The following ZC3H6 variants were observed in gnomAD, a reference collection of about 807,000 sequenced individuals.
ZC3H6 encodes the protein zinc finger CCCH domain-containing protein 6.
In ZC3H6, 40 loss-of-function variants were observed where a neutral mutation model predicts 107.7. The ratio of observed to expected loss-of-function variants is 0.37; its 90% CI spans 0.29 to 0.48. The LOEUF is 0.48. ZC3H6 is among the 20% of genes least tolerant of loss of function. The pLI, the probability that ZC3H6 is intolerant of heterozygous loss-of-function variation, is 0.98. For missense variants in ZC3H6, 1,267 were observed against 1,410.4 expected (o/e 0.90, Z 1.63); for synonymous variants, 493 against 487.9 (o/e 1.01, Z -0.14).
chr2:112,305,963 T>C (rs1676470615), intron 3 of ZC3H6, among the ~76,000 whole-genome samples: 1 of 152,168 alleles, frequency 6.6e-6, no homozygotes, highest in African/African-American at 2.4e-5. Flanking sequence ...ATTTATTTAT[T>C]TGAGACAGAG....
At chr2:112,289,923 T>C (rs1369031255) in intron 1 of ZC3H6, among the ~76,000 whole-genome samples, 1 of 152,102 alleles carries the variant, frequency 6.6e-6, no homozygotes, top group Non-Finnish European at 1.5e-5. Flanking sequence ...TATTTTTTTA[T>C]AGAGACGGGG....
Position 112,324,974 on chromosome 2 carries a change from G to A in ZC3H6, c.1863G>A (p.Trp621Ter). ...QPPNNSGDGM[W>*]HGEFAQQQPP... Reference sequence around the variant, plus strand: ...ATGTTATACATGTAGATGGGATGTGGCATGGTGAATTTGCCCAGCAGCAGC... The same window carrying A: ...ATGTTATACATGTAGATGGGATGTGACATGGTGAATTTGCCCAGCAGCAGC... Residue 621 changes from tryptophan (W) to a stop codon, truncating the protein, a stop_gained, in exon 11 of 12, where the codon TGG (tryptophan) becomes TGA (stop). Transcript: ENST00000409871. LOFTEE classifies it high-confidence loss of function. 1.2e-6 allele frequency: 2 copies of A among 1,602,402 alleles called. No individual in the cohort carries two copies. The highest frequency in any genetic ancestry group is 1.7e-6 in the Non-Finnish European group (2 of 1,174,112).
chr2:112,312,815 G>A (rs1676617491), intron 5 of ZC3H6, among the ~76,000 whole-genome samples: 1 of 150,494 alleles, frequency 6.6e-6, no homozygotes, highest in Non-Finnish European at 1.5e-5. Flanking sequence ...AGCCAAGATG[G>A]CTCCACTACA....
At position 112,332,389 on chromosome 2, in the gene ZC3H6, G is replaced by A. The variant is rs539203940; in HGVS notation, c.3471G>A (p.Gly1157=). ...GGCAGGCAAGGCAGCCAGGACAGGG[G>A]AGCCCGACCCCAGATAATGATCCCG... ...DPRQARQPGQ[G]SPTPDNDPGR... is the part of the protein sequence containing the mutation. The change falls in exon 12 of 12, where the codon GGG becomes GGA. Residue 1157 remains glycine (G), a synonymous_variant. Transcript: ENST00000409871. The A allele has an allele frequency of 1.1e-5, 17 of 1,613,722 alleles. No homozygotes were observed. The South Asian group carries it at 1.2e-4, about 11-fold the overall frequency.
chr2:112,331,373 A>G lies in ZC3H6; in HGVS notation c.2455A>G (p.Lys819Glu). 1 of 1,613,792 alleles carries G rather than the reference A, an allele frequency of 6.2e-7. No individual in the cohort carries two copies. Among genetic ancestry groups the G allele is most frequent in the East Asian group, 2.2e-5 (1 of 44,886 alleles). The change falls in exon 12 of 12, where the codon AAA becomes GAA. Residue 819 changes from lysine to glutamate, a missense_variant. By Grantham distance (56) the Lys-to-Glu change is moderately conservative. This residue lies in a region of ZC3H6 where 925 missense variants were observed against 1,025.7 expected (regional missense o/e 0.90). Coordinates refer to ENST00000409871, the MANE Select transcript of ZC3H6 (RefSeq NM_198581.3). The stretch of plus-strand genomic sequence containing the variant: ...AAATGCTGGCACTAATGTCAAACAC[A>G]AAAGAGGCGATGATGATGATGAAGA... ...HANAGTNVKH[K>E]RGDDDDEDTE...
rs376854709 is a variant in ZC3H6, at chr2:112,279,149, T to C, written c.32+3123T>C. On this transcript the variant is annotated intron_variant, in intron 1 of 11. Coordinates refer to ENST00000409871, the MANE Select transcript of ZC3H6 (RefSeq NM_198581.3). ...CCAGAGCCTAGTTTCTAAAGGTCTTTAGGGATTTAGGGAAATCAGAGGGAG... is the reference window on the plus strand; with the variant it reads ...CCAGAGCCTAGTTTCTAAAGGTCTTCAGGGATTTAGGGAAATCAGAGGGAG... Among the ~76,000 whole-genome samples, 52 of 152,344 alleles carry C rather than the reference T, an allele frequency of 3.4e-4. No homozygotes were observed. In the Middle Eastern group the frequency reaches 0.02, roughly 60 times the overall value.
chr2:112,277,380 A>T (rs1020293555), intron 1 of ZC3H6, among the ~76,000 whole-genome samples: 1 of 151,730 alleles, frequency 6.6e-6, no homozygotes, highest in Non-Finnish European at 1.5e-5. Context: ...TTGCTAATGG[A>T]GCCTAAAATC....
chr2:112,310,252 C>G (rs1252973655), intron 4 of ZC3H6, 91 bp downstream of exon 4: 1 of 1,266,836 alleles, frequency 7.9e-7, no homozygotes, highest in Non-Finnish European at 1.1e-6. Flanking sequence ...TATCCCTGTT[C>G]AAGATTAGCT....
chr2:112,310,105 G>A lies in ZC3H6; in HGVS notation c.557G>A (p.Gly186Glu). Residue 186 changes from glycine to glutamate, a missense_variant, in exon 4 of 12, where the codon GGG becomes GAG. Gly to Glu is a moderately conservative substitution (Grantham distance 98). Transcript: ENST00000409871. ...AAAGAAACCTCAAATATTGCTTTAG[G>A]GTCATCATTTTCTAAAGAATCAGGA... ...QAKETSNIAL[G>E]SSFSKESGKK... 1.9e-6 allele frequency: 3 copies of A among 1,613,146 alleles called. No individual in the cohort carries two copies. Among genetic ancestry groups the A allele is most frequent in the Non-Finnish European group, 2.5e-6 (3 of 1,179,592 alleles).
At chr2:112,303,064 A>G (rs760465102) in intron 2 of ZC3H6, among the ~76,000 whole-genome samples, 165 bp from the exon 3 acceptor site, 1 of 152,122 alleles carries the variant, frequency 6.6e-6, no homozygotes, top group Admixed American at 6.5e-5. Context: ...CGAAGTTGGA[A>G]TGGTGGTGGC....
At chr2:112,280,434 C>A (rs1224222674) in intron 1 of ZC3H6, among the ~76,000 whole-genome samples, 1 of 152,248 alleles carries the variant, frequency 6.6e-6, no homozygotes, top group East Asian at 1.9e-4. Flanking sequence ...ATATTTCATT[C>A]ATTATAAAAT....
chr2:112,284,353 C>T (rs1465524875), intron 1 of ZC3H6, among the ~76,000 whole-genome samples: 1 of 151,432 alleles, frequency 6.6e-6, no homozygotes, highest in Non-Finnish European at 1.5e-5. Flanking sequence ...CACAAAATAT[C>T]CCTTTTTTGA....
At chr2:112,324,706 A>T in intron 10 of ZC3H6, 43 bp downstream of exon 10, 3 of 1,473,736 alleles carry the variant, frequency 2.0e-6, no homozygotes, top group Non-Finnish European at 2.7e-6. Flanking sequence ...AATTTAAAAT[A>T]CAGTCCTATT....
At chr2:112,288,594 C>T (rs1173980123) in intron 1 of ZC3H6, among the ~76,000 whole-genome samples, 1 of 152,216 alleles carries the variant, frequency 6.6e-6, no homozygotes, top group Non-Finnish European at 1.5e-5. Context: ...AGAATTTGAA[C>T]ACAGATCTTT....
At chr2:112,298,146 T>G (rs1346820841) in intron 1 of ZC3H6, among the ~76,000 whole-genome samples, 1 of 114,464 alleles carries the variant, frequency 8.7e-6, no homozygotes, top group Non-Finnish European at 1.7e-5. Context: ...GATAGATATA[T>G]TGCTTTTTAA....
At position 112,275,835 on chromosome 2, in the gene ZC3H6, C is replaced by T; in HGVS notation, c.-160C>T. 3 of 561,466 alleles carry T rather than the reference C, an allele frequency of 5.3e-6. No homozygotes were observed. The highest frequency in any genetic ancestry group is 9.5e-6 in the Non-Finnish European group (3 of 315,570). 34.8% of individuals were successfully genotyped at this position (561,466 alleles called of 1,614,324 possible). A position where few individuals can be genotyped will look rare whatever the true frequency, so the allele number is the denominator to read the frequency against. ...TGTTAATAGACTGGAAAGTCTGTGT[C>T]TGTGTCGCTCACTAGTAACCGTGAG... is the stretch of plus-strand genomic sequence containing the variant. On this transcript the variant is annotated 5_prime_UTR_variant, in exon 1 of 12. Transcript: ENST00000409871.
chr2:112,288,924 T>C (rs892610973), intron 1 of ZC3H6, among the ~76,000 whole-genome samples: 3 of 152,210 alleles, frequency 2.0e-5, no homozygotes, highest in African/African-American at 7.2e-5. Flanking sequence ...TGCTCAGCCC[T>C]TTTTTGAACC....
rs1677161581 is a variant in ZC3H6 at position 112,337,889 on chromosome 2, T to G, written c.*5401T>G. On this transcript the variant is annotated 3_prime_UTR_variant, in exon 12 of 12. Coordinates refer to ENST00000409871, the MANE Select transcript of ZC3H6 (RefSeq NM_198581.3). ...CACCAGTCTTGGCCTCTCAAAGTGC[T>G]GGGATCACAGGCATGAGCCACCACG... The G allele has an allele frequency of 1.3e-5, 2 of 152,266 alleles. No homozygotes were observed. The highest frequency in any genetic ancestry group is 2.9e-5 in the Non-Finnish European group (2 of 68,090). The allele number at this position is 152,266 out of a possible 1,614,324, so 9.4% of individuals were successfully genotyped here. A position where few individuals can be genotyped will look rare whatever the true frequency, so the allele number is the denominator to read the frequency against.
chr2:112,287,356 G>C (rs1349807518), intron 1 of ZC3H6, among the ~76,000 whole-genome samples: 1 of 152,018 alleles, frequency 6.6e-6, no homozygotes, highest in African/African-American at 2.4e-5. Flanking sequence ...TCAAAAAAAA[G>C]CTATGGCAAG....
Sources: gnomAD v4.1 joint callset for allele counts (sites outside exome capture counted in the v4.1 genomes callset) on GRCh38, gnomAD v4.1.1 for gene constraint, gnomAD v4.1.1 regional missense constraint, MANE v1.5 for transcripts, NCBI Gene and HGNC (gene_info 2026-07-23, HGNC 2026-07-21) for gene names.